The following ST6GALNAC6 variants were observed in gnomAD, a reference collection of about 807,000 sequenced individuals.
ST6GALNAC6 encodes alpha-N-acetylgalactosaminide alpha-2,6-sialyltransferase 6.
In ST6GALNAC6, 19 loss-of-function variants were observed where a neutral mutation model predicts 34.3. That is an observed-to-expected ratio of 0.55 (90% CI 0.39 to 0.81). The LOEUF (loss-of-function observed/expected upper bound fraction) is 0.81. ST6GALNAC6 is among the 40% of genes least tolerant of loss of function. ST6GALNAC6 has a pLI of 0.00. For synonymous variants in ST6GALNAC6, 185 were observed against 182.1 expected (o/e 1.02, Z -0.13); for missense variants, 377 against 467.7 (o/e 0.81, Z 1.79).
Position 127,890,619 on chromosome 9 carries a change from C to T in ST6GALNAC6, c.704+18G>A. On this transcript the variant is annotated intron_variant, in intron 5 of 6. Coordinates refer to ENST00000373146, the MANE Select transcript of ST6GALNAC6 (RefSeq NM_013443.5). The surrounding 1 kb of genome is among the most constrained non-coding windows in gnomAD (Gnocchi z 4.3). ...GGAGCACAGTGCTGGCCAGAGGGGG[C>T]AGGCAGGAGGCTGGTACCTGTCCTT... 2 of 1,612,852 alleles carry T rather than the reference C, an allele frequency of 1.2e-6. No homozygotes were observed. Among genetic ancestry groups the T allele is most frequent in the Non-Finnish European group, 1.7e-6 (2 of 1,179,922 alleles).
intron 3 of ST6GALNAC6, 77 bp from the exon 4 acceptor site, chr9:127,894,768 C>A (rs2131541530): frequency 2.6e-6 from 4 of 1,535,124 alleles, no homozygotes; most frequent in Admixed American, 1.8e-5. Context: ...ACCTACCATG[C>A]CTGGTTAACT....
chr9:127,887,431 T>A, intron 6 of ST6GALNAC6, 53 bp downstream of exon 6: 1 of 1,486,652 alleles, frequency 6.7e-7, no homozygotes, highest in Non-Finnish European at 9.3e-7. Flanking sequence ...AGCTCCATCC[T>A]GCGGCCAGTG....
chr9:127,896,465 G>A lies in ST6GALNAC6; in HGVS notation c.27-133C>T, dbSNP rs543462589. The A allele has an allele frequency of 5.8e-5, 43 of 743,752 alleles. No individual in the cohort carries two copies. The East Asian group carries it at 9.1e-4, about 16-fold the overall frequency. The allele number at this position is 743,752 out of a possible 1,614,324, so 46.1% of individuals were successfully genotyped here. On this transcript the variant is annotated intron_variant, in intron 2 of 6. Coordinates refer to ENST00000373146, the MANE Select transcript of ST6GALNAC6 (RefSeq NM_013443.5). ...TAAGGCTCAGGACTGTATCCCTTTT[G>A]CAGACGGAGACACTGAGGGCCAGAA...
chr9:127,896,183 C>A, intron 3 of ST6GALNAC6, 59 bp downstream of exon 3: 1 of 1,582,206 alleles, frequency 6.3e-7, no homozygotes, highest in South Asian at 1.1e-5. Context: ...TCCAAAGGAA[C>A]CCGTTCCATG....
upstream of ST6GALNAC6, among the ~76,000 whole-genome samples, chr9:127,901,151 C>G (rs569331973): frequency 6.6e-6 from 1 of 152,128 alleles, no homozygotes; most frequent in Non-Finnish European, 1.5e-5. Context: ...AAATATCCAT[C>G]AACAAGAGAA....
rs778647984 is a variant in ST6GALNAC6, at chr9:127,887,487, CA to C, written c.808del (p.Cys270AlafsTer107). 1.2e-6 allele frequency: 2 copies of C among 1,610,832 alleles called. No homozygotes were observed. Among genetic ancestry groups the C allele is most frequent in the East Asian group, 2.2e-5 (1 of 44,818 alleles). ...GGCGCTGGCAAGGAGGGCTCACCTG[CA>C]GTAGTTGGGGGGGACCATGCCATAG... is the stretch of plus-strand genomic sequence containing the variant. ...HVYGMVPPNY[C>X]SQRPRLQRMP... On this transcript the variant is annotated frameshift_variant, in exon 6 of 7. Coordinates refer to ENST00000373146, the MANE Select transcript of ST6GALNAC6 (RefSeq NM_013443.5). LOFTEE classifies it high-confidence loss of function.
rs1322474483 is a variant in ST6GALNAC6 at position 127,893,612 on chromosome 9, G to T, written c.297+900C>A. On this transcript the variant is annotated intron_variant, in intron 4 of 6. Transcript: ENST00000373146. Reference sequence around the variant, plus strand: ...CACTTTTCTGAGTGCTAGTTTTTTTGGCTTCCCCTGTGATGCTGGAAGCAC... The same window carrying T: ...CACTTTTCTGAGTGCTAGTTTTTTTTGCTTCCCCTGTGATGCTGGAAGCAC... Among the ~76,000 whole-genome samples the T allele has an allele frequency of 1.3e-4, 20 of 152,122 alleles. No individual in the cohort carries two copies. The East Asian group carries it at 3.9e-3, about 29-fold the overall frequency.
chr9:127,899,685 G>A (rs1253111668), upstream of ST6GALNAC6: 7 of 983,300 alleles, frequency 7.1e-6, no homozygotes, highest in Admixed American at 2.5e-4. Flanking sequence ...CCTCGGGGCC[G>A]CGGGTGGCTC....
At chr9:127,896,377 T>TC in intron 2 of ST6GALNAC6, 45 bp from the exon 3 acceptor site, 1 of 1,541,246 alleles carries the variant, frequency 6.5e-7, no homozygotes, top group Non-Finnish European at 8.8e-7. Context: ...GTCCTTTGGG[T>TC]CCAGCAAGCC....
chr9:127,889,346 C>A (rs1325825460), intron 5 of ST6GALNAC6, among the ~76,000 whole-genome samples: 14 of 123,620 alleles, frequency 1.1e-4, no homozygotes, highest in South Asian at 5.2e-4. Flanking sequence ...GACTCCCTCT[C>A]AAAAAAAAAA....
At chr9:127,891,775 G>A (rs1413337404) in intron 4 of ST6GALNAC6, among the ~76,000 whole-genome samples, 1 of 135,248 alleles carries the variant, frequency 7.4e-6, no homozygotes, top group Non-Finnish European at 1.6e-5. Flanking sequence ...GGGACAGAGA[G>A]GGGGGAGAGG....
At chr9:127,888,840 A>C (rs1489451813) in intron 5 of ST6GALNAC6, among the ~76,000 whole-genome samples, 3 of 151,036 alleles carry the variant, frequency 2.0e-5, no homozygotes, top group Non-Finnish European at 2.9e-5. Context: ...CAAACAAACA[A>C]ACACTGAATA....
intron 5 of ST6GALNAC6, among the ~76,000 whole-genome samples, chr9:127,888,698 C>T (rs1259354781): frequency 2.7e-5 from 4 of 150,496 alleles, no homozygotes; most frequent in Non-Finnish European, 3.0e-5. Flanking sequence ...TCCAGCTGCT[C>T]GGGAGGCTGA....
upstream of ST6GALNAC6, among the ~76,000 whole-genome samples, chr9:127,900,855 G>C (rs1024767492): frequency 6.7e-6 from 1 of 148,180 alleles, no homozygotes; most frequent in South Asian, 2.2e-4. Context: ...GTTGTGGCGG[G>C]CACATGTAAT....
At chr9:127,888,670 G>T (rs542135934) in intron 5 of ST6GALNAC6, among the ~76,000 whole-genome samples, 9 of 152,234 alleles carry the variant, frequency 5.9e-5, no homozygotes, top group African/African-American at 1.9e-4. Context: ...AGCTGGCGTG[G>T]TGGCACGTGC....
intron 4 of ST6GALNAC6, among the ~76,000 whole-genome samples, chr9:127,891,769 CAG>C (rs990626720): frequency 1.7e-3 from 153 of 89,802 alleles, no homozygotes; most frequent in African/African-American, 6.6e-3. Flanking sequence ...GGGGAGGGGA[CAG>C]AGAGGGGGGA....
In ST6GALNAC6 at chr9:127,886,355, C is replaced by G; in HGVS notation, c.*244G>C. The G allele has an allele frequency of 8.5e-7, 1 of 1,177,852 alleles. No individual in the cohort carries two copies. Among genetic ancestry groups the G allele is most frequent in the Non-Finnish European group, 1.2e-6 (1 of 867,874 alleles). 73.0% of individuals were successfully genotyped at this position (1,177,852 alleles called of 1,614,324 possible). A position where few individuals can be genotyped will look rare whatever the true frequency, so the allele number is the denominator to read the frequency against. ...GAAATACCCCCTCTACCCTGATTGA[C>G]TGTGCGCAGACCCTGACTGCACAAG... On this transcript the variant is annotated 3_prime_UTR_variant, in exon 7 of 7. Coordinates refer to ENST00000373146, the MANE Select transcript of ST6GALNAC6 (RefSeq NM_013443.5).
chr9:127,901,269 A>C (rs1760397225), upstream of ST6GALNAC6, among the ~76,000 whole-genome samples: 1 of 152,212 alleles, frequency 6.6e-6, no homozygotes, highest in Admixed American at 6.5e-5. Flanking sequence ...CAAGGAGTGA[A>C]AAAGAGGTAT....
upstream of ST6GALNAC6, among the ~76,000 whole-genome samples, chr9:127,900,293 G>A (rs1354927927): frequency 6.6e-6 from 1 of 152,096 alleles, no homozygotes; most frequent in South Asian, 2.1e-4. Context: ...GCGGTGGTTC[G>A]CTCACGCCTG....
Sources: allele counts gnomAD v4.1 joint callset (sites outside exome capture counted in the v4.1 genomes callset), GRCh38; gene constraint gnomAD v4.1.1; non-coding constraint Gnocchi (gnomAD v3.1); transcripts MANE v1.5; gene names NCBI Gene and HGNC (gene_info 2026-07-23, HGNC 2026-07-21).